The following RBFOX1 variants were observed in gnomAD, a reference collection of about 807,000 sequenced individuals.
The protein encoded by RBFOX1 is RNA binding protein fox-1 homolog 1.
In RBFOX1, 8 loss-of-function variants were observed where a neutral mutation model predicts 57.7. That is an observed-to-expected ratio of 0.14 (90% confidence interval 0.08 to 0.25). The LOEUF is 0.25. Among genes scored for constraint, RBFOX1 ranks in the 10% least tolerant of loss-of-function variants. The pLI is 1.00. For synonymous variants in RBFOX1, 326 were observed against 222.4 expected, an observed-to-expected ratio of 1.47 and a Z score of -4.15; for missense variants, 611 against 548.5, an observed-to-expected ratio of 1.11 and a Z score of -1.14.
intron 1 of RBFOX1, among the ~76,000 whole-genome samples, chr16:5,295,662 C>A (rs1024720400): frequency 7.2e-5 from 11 of 152,200 alleles, no homozygotes; most frequent in African/African-American, 4.8e-5. Flanking sequence ...CAGCTCACAT[C>A]TTCAAAGCCA....
chr16:5,249,635 A>T (rs1275788653), intron 1 of RBFOX1, among the ~76,000 whole-genome samples: 1 of 152,220 alleles, frequency 6.6e-6, no homozygotes, highest in East Asian at 1.9e-4. Context: ...TGTTCTGCTT[A>T]TTAAAAATAC....
intron 3 of RBFOX1, among the ~76,000 whole-genome samples, chr16:7,038,446 C>G (rs895730437): frequency 2.0e-5 from 3 of 152,118 alleles, no homozygotes; most frequent in Non-Finnish European, 4.4e-5. Flanking sequence ...CACAAAATAC[C>G]TTATTAAATC....
At chr16:6,949,149 G>T (rs901131646) in intron 3 of RBFOX1, among the ~76,000 whole-genome samples, 1 of 152,080 alleles carries the variant, frequency 6.6e-6, no homozygotes, top group African/African-American at 2.4e-5. Context: ...TGTAACTGAT[G>T]CCTTCCCCCA....
chr16:5,932,990 A>G (rs980902117), intron 4 of RBFOX1, among the ~76,000 whole-genome samples: 4 of 152,334 alleles, frequency 2.6e-5, no homozygotes, highest in South Asian at 2.1e-4. Context: ...TTTTAACAGC[A>G]TGACGCCACT....
At chr16:5,550,352 A>G (rs537168874) in intron 2 of RBFOX1, among the ~76,000 whole-genome samples, 7 of 152,288 alleles carry the variant, frequency 4.6e-5, no homozygotes, top group African/African-American at 1.7e-4. Flanking sequence ...CTGTTGCTAC[A>G]TGGAAGGAAC....
intron 3 of RBFOX1, among the ~76,000 whole-genome samples, chr16:7,000,182 C>G (rs1362733898): frequency 6.6e-6 from 1 of 151,690 alleles, no homozygotes; most frequent in Non-Finnish European, 1.5e-5. Flanking sequence ...AAAAAAAGTA[C>G]TGTCATTAGC....
At chr16:7,036,557 G>T (rs1487259572) in intron 3 of RBFOX1, among the ~76,000 whole-genome samples, 3 of 152,036 alleles carry the variant, frequency 2.0e-5, no homozygotes, top group South Asian at 4.2e-4. Context: ...GCTGGATACT[G>T]TGGCGGCTGC....
At chr16:6,876,753 G>T (rs982206724) in intron 3 of RBFOX1, among the ~76,000 whole-genome samples, 1 of 151,992 alleles carries the variant, frequency 6.6e-6, no homozygotes, top group Non-Finnish European at 1.5e-5. Context: ...TGTAATTTGT[G>T]TGCTTTTTCT....
intron 3 of RBFOX1, among the ~76,000 whole-genome samples, chr16:6,945,286 G>C (rs1346310458): frequency 6.6e-6 from 1 of 152,134 alleles, no homozygotes; most frequent in Non-Finnish European, 1.5e-5. Context: ...TGTTATGATG[G>C]TGAGAATGTG....
intron 4 of RBFOX1, among the ~76,000 whole-genome samples, chr16:7,081,264 A>G (rs1220479340): frequency 6.6e-6 from 1 of 152,150 alleles, no homozygotes; most frequent in Non-Finnish European, 1.5e-5. Context: ...TGAACTGCTG[A>G]CCTCAAGTGA....
At chr16:6,930,342 T>C (rs1327851763) in intron 3 of RBFOX1, among the ~76,000 whole-genome samples, 1 of 152,082 alleles carries the variant, frequency 6.6e-6, no homozygotes, top group Admixed American at 6.6e-5. Flanking sequence ...ACATCACTAA[T>C]CTCTAGAGAA....
chr16:7,007,064 T>A (rs1416621635), intron 3 of RBFOX1, among the ~76,000 whole-genome samples: 1 of 152,208 alleles, frequency 6.6e-6, no homozygotes, highest in Non-Finnish European at 1.5e-5. Flanking sequence ...GTTTCTACAC[T>A]GTGAGTTTTT....
intron 1 of RBFOX1, among the ~76,000 whole-genome samples, chr16:5,330,599 T>G (rs934474439): frequency 3.3e-5 from 5 of 152,088 alleles, no homozygotes; most frequent in Admixed American, 2.6e-4. Flanking sequence ...GAGATGGAGA[T>G]TCACCATGTT....
At chr16:6,101,608 T>G (rs1447984166) in intron 1 of RBFOX1, among the ~76,000 whole-genome samples, 1 of 152,120 alleles carries the variant, frequency 6.6e-6, no homozygotes, top group Non-Finnish European at 1.5e-5. Flanking sequence ...TGCCTCACCC[T>G]CCGGAGTAGC....
At chr16:6,641,928 T>C (rs1367498954) in intron 2 of RBFOX1, among the ~76,000 whole-genome samples, 4 of 152,074 alleles carry the variant, frequency 2.6e-5, no homozygotes, top group African/African-American at 4.8e-5. Context: ...TCTTCCAGCC[T>C]CTTCTCTTTT....
chr16:6,910,372 C>T (rs1264526421), intron 3 of RBFOX1, among the ~76,000 whole-genome samples: 1 of 152,180 alleles, frequency 6.6e-6, no homozygotes, highest in African/African-American at 2.4e-5. Context: ...TCCTATTTCC[C>T]TTCCACACAC....
At chr16:6,516,935 C>A (rs755487035) in intron 2 of RBFOX1, among the ~76,000 whole-genome samples, 1 of 152,180 alleles carries the variant, frequency 6.6e-6, no homozygotes, top group African/African-American at 2.4e-5. Context: ...AAACTAACCG[C>A]TTTCCTCCAC....
chr16:5,935,018 A>G (rs963451511), intron 4 of RBFOX1, among the ~76,000 whole-genome samples: 34 of 152,196 alleles, frequency 2.2e-4, no homozygotes, highest in African/African-American at 7.5e-4. Flanking sequence ...CGAAGGGTCA[A>G]TCTTTGGGCC....
At chr16:7,597,000 C>T (rs558782766) in intron 8 of RBFOX1, among the ~76,000 whole-genome samples, 224 of 152,244 alleles carry the variant, frequency 1.5e-3, no homozygotes, top group Non-Finnish European at 2.2e-3. Flanking sequence ...CCACTGCATG[C>T]TCCTTCATAT....
Sources: gnomAD v4.1 joint callset for allele counts (sites outside exome capture counted in the v4.1 genomes callset) on GRCh38, gnomAD v4.1.1 for gene constraint, MANE v1.5 for transcripts, NCBI Gene and HGNC (gene_info 2026-07-23, HGNC 2026-07-21) for gene names.